The following GOLGA8M variants were observed in gnomAD, a reference collection of about 807,000 sequenced individuals.
GOLGA8M encodes the protein golgin subfamily A member 8M.
GOLGA8M carries 34 observed loss-of-function variants against 87.7 expected under a neutral mutation model. The observed-to-expected ratio is 0.39, with a 90% CI of 0.29 to 0.52. The LOEUF is 0.52. Ranked by LOEUF, GOLGA8M falls within the 20% of genes least tolerant of loss-of-function variation. The pLI, the probability that GOLGA8M is intolerant of heterozygous loss-of-function variation, is 0.80. For missense variants in GOLGA8M, 396 were observed against 682.2 expected, an observed-to-expected ratio of 0.58 and a Z score of 4.67; for synonymous variants, 138 against 250.2, an observed-to-expected ratio of 0.55 and a Z score of 4.23.
rs1323740886 is a variant in GOLGA8M, at chr15:28,705,792, C to T, written c.875-53G>A. 3 of 1,558,860 alleles carry T rather than the reference C, an allele frequency of 1.9e-6. 1 individual carries two copies. Among genetic ancestry groups the T allele is most frequent in the African/African-American group, 3.1e-5 (2 of 65,472 alleles). On this transcript the variant is annotated intron_variant, in intron 11 of 18. Coordinates refer to ENST00000563027, the MANE Select transcript of GOLGA8M (RefSeq NM_001282468.3). ...CTCTGGATTCTCGGAAAAGAAAAAC[C>T]CTCCTCTTGGCGCACAGCTCCTCTC... is the stretch of plus-strand genomic sequence containing the variant.
intron 8 of GOLGA8M, 80 bp from the exon 9 acceptor site, chr15:28,706,779 A>G: frequency 3.6e-6 from 5 of 1,392,240 alleles, no homozygotes; most frequent in Non-Finnish European, 4.9e-6. Flanking sequence ...GGCTCGGGCT[A>G]GGCCCAATAT....
intron 8 of GOLGA8M, 137 bp from the exon 9 acceptor site, chr15:28,706,836 G>T: frequency 1.3e-6 from 1 of 788,304 alleles, no homozygotes; most frequent in Admixed American, 2.8e-5. Flanking sequence ...CCGTGGTCTG[G>T]TTTTTAAAAG....
rs765489283 is a variant in GOLGA8M at position 28,702,195 on chromosome 15, A to G, written c.1723+19T>C. On this transcript the variant is annotated intron_variant, in intron 18 of 18. Transcript: ENST00000563027. Reference sequence around the variant, plus strand: ...CCCCCTCTTCCTGCCTGCCCACACCACCTGAGGGCTGTACTCACCACCATG... The same window carrying G: ...CCCCCTCTTCCTGCCTGCCCACACCGCCTGAGGGCTGTACTCACCACCATG... 3.9e-4 allele frequency: 625 copies of G among 1,588,906 alleles called. 12 individuals are homozygous for G. The South Asian group carries it at 6.2e-3, about 16-fold the overall frequency.
rs537941192 is a variant in GOLGA8M, at chr15:28,708,270, C to A, written c.349-97G>T. On this transcript the variant is annotated intron_variant, in intron 5 of 18. Coordinates refer to ENST00000563027, the MANE Select transcript of GOLGA8M (RefSeq NM_001282468.3). ...AATGCCACCAATGCCCCAGGACAGG[C>A]CCACCCATGGGACCAGGTTATCGGG... 630 of 1,608,928 alleles carry A rather than the reference C, an allele frequency of 3.9e-4. 1 individual carries two copies. The African/African-American group carries it at 6.6e-3, about 17-fold the overall frequency.
chr15:28,711,712 A>C (rs1466751620), intron 1 of GOLGA8M: 68 of 985,102 alleles, frequency 6.9e-5, no homozygotes, highest in Non-Finnish European at 8.1e-5. Flanking sequence ...GTGGGCTGTG[A>C]CATCACAACA....
chr15:28,708,857 C>T (rs1272367174), intron 4 of GOLGA8M, among the ~76,000 whole-genome samples: 5 of 148,548 alleles, frequency 3.4e-5, no homozygotes, highest in African/African-American at 7.5e-5. Context: ...ATCTCAGACT[C>T]GAGAGCTAAC....
rs1429726026 is a variant in GOLGA8M, at chr15:28,701,610, C to A, written c.*344G>T. On this transcript the variant is annotated 3_prime_UTR_variant, in exon 19 of 19. Transcript: ENST00000563027. ...CAATAACATTAAAAAAGCATGGCAG[C>A]CTATTCCAAACCAGCGAGAACAGTT... is the stretch of plus-strand genomic sequence containing the variant. 6.6e-6 allele frequency among the ~76,000 whole-genome samples: 1 copy of A among 151,574 alleles called. No homozygotes were observed. The highest frequency in any genetic ancestry group is 1.9e-4 in the East Asian group (1 of 5,168).
At chr15:28,707,590 A>G (rs374831325) in intron 8 of GOLGA8M, among the ~76,000 whole-genome samples, 158 bp downstream of exon 8, 3 of 145,294 alleles carry the variant, frequency 2.1e-5, no homozygotes, top group African/African-American at 7.8e-5. Flanking sequence ...CAGCTGACTC[A>G]GCCCCAGGCT....
At chr15:28,712,007 G>A (rs2080209543) in intron 1 of GOLGA8M, 16 of 984,812 alleles carry the variant, frequency 1.6e-5, no homozygotes, top group South Asian at 9.4e-5. Context: ...AGCTTGGGGC[G>A]GCAGGAGATG....
At position 28,702,195 on chromosome 15, in the gene GOLGA8M, A is replaced by T. The variant is rs765489283; in HGVS notation, c.1723+19T>A. The T allele has an allele frequency of 3.1e-6, 5 of 1,589,156 alleles. No individual in the cohort carries two copies. The East Asian group carries it at 9.0e-5, about 28-fold the overall frequency. ...CCCCCTCTTCCTGCCTGCCCACACC[A>T]CCTGAGGGCTGTACTCACCACCATG... On this transcript the variant is annotated intron_variant, in intron 18 of 18. Coordinates refer to ENST00000563027, the MANE Select transcript of GOLGA8M (RefSeq NM_001282468.3).
Position 28,702,277 on chromosome 15 carries a change from C to G in GOLGA8M, c.1660G>C (p.Ala554Pro), listed in dbSNP as rs889575074. ...GGGGCTCCTGGACCGGGCTCATCAGCAGAGTTGTGGGCAGCGGCCAGGAAT... is the reference window on the plus strand; with the variant it reads ...GGGGCTCCTGGACCGGGCTCATCAGGAGAGTTGTGGGCAGCGGCCAGGAAT... ...RKFLAAAHNS[A>P]DEPGPGAPAP... The change falls in exon 18 of 19, where the codon GCT becomes CCT. Residue 554 changes from alanine (A) to proline (P), a missense_variant. Ala to Pro is a conservative substitution (Grantham distance 27). Coordinates refer to ENST00000563027, the MANE Select transcript of GOLGA8M (RefSeq NM_001282468.3). The G allele has an allele frequency of 5.8e-6, 9 of 1,558,478 alleles. No homozygotes were observed. The Admixed American group carries it at 5.8e-5, about 10-fold the overall frequency.
Position 28,705,779 on chromosome 15 carries a change from G to A in GOLGA8M, c.875-40C>T, listed in dbSNP as rs751730524. ...AGACAATAAGGGCCTCTGGATTCTC[G>A]GAAAAGAAAAACCCTCCTCTTGGCG... is the stretch of plus-strand genomic sequence containing the variant. On this transcript the variant is annotated intron_variant, in intron 11 of 18. Transcript: ENST00000563027. 25 of 1,555,604 alleles carry A rather than the reference G, an allele frequency of 1.6e-5. 1 individual carries two copies. Among genetic ancestry groups the A allele is most frequent in the Non-Finnish European group, 2.0e-5 (23 of 1,174,994 alleles).
In GOLGA8M at chr15:28,706,686, C is replaced by A. The variant is rs776370584; in HGVS notation, c.605G>T (p.Ser202Ile). 16 of 1,523,496 alleles carry A rather than the reference C, an allele frequency of 1.1e-5. 1 individual carries two copies. In the South Asian group the frequency reaches 1.4e-4, roughly 13 times the overall value. 94.4% of individuals were successfully genotyped at this position (1,523,496 alleles called of 1,614,324 possible). ...KKKANQLSSP[S>I]KAGTEWKLEQ... The stretch of plus-strand genomic sequence containing the variant: ...TAACTTCCACTCCGTACCTGCTTTA[C>A]TGGGGCTGGACAACTGGATGGCAAA... The change falls in exon 9 of 19, where the codon AGT becomes ATT. Residue 202 changes from serine (S) to isoleucine (I), a missense_variant. Ser to Ile is a moderately radical substitution (Grantham distance 142). Transcript: ENST00000563027.
At chr15:28,703,583 G>A in intron 14 of GOLGA8M, 173 bp from the exon 15 acceptor site, 5 of 573,764 alleles carry the variant, frequency 8.7e-6, no homozygotes, top group East Asian at 3.2e-5. Context: ...TTCCGCCCAG[G>A]CACACTCCCA....
At chr15:28,706,766 C>A (rs991573400) in intron 8 of GOLGA8M, 67 bp from the exon 9 acceptor site, 20 of 1,462,056 alleles carry the variant, frequency 1.4e-5, no homozygotes, top group South Asian at 3.6e-5. Context: ...TGCCCCTTAA[C>A]AGGGCTCGGG....
At position 28,701,098 on chromosome 15, in the gene GOLGA8M, C is replaced by T. The variant is rs893169932; in HGVS notation, c.*856G>A. Among the ~76,000 whole-genome samples the T allele has an allele frequency of 1.3e-5, 2 of 152,056 alleles. No homozygotes were observed. Among genetic ancestry groups the T allele is most frequent in the Non-Finnish European group, 2.9e-5 (2 of 68,044 alleles). On this transcript the variant is annotated 3_prime_UTR_variant, in exon 19 of 19. Transcript: ENST00000563027. ...AGCTAGGAAAGGTTTTCCACATCCA[C>T]AGTCAACGATGGGAACCTTTCATTC...
chr15:28,705,774 T>A (rs1238985817), intron 11 of GOLGA8M, 35 bp from the exon 12 acceptor site: 1 of 1,555,622 alleles, frequency 6.4e-7, no homozygotes, highest in Non-Finnish European at 8.5e-7. Flanking sequence ...GGCCTCTGGA[T>A]TCTCGGAAAA....
In GOLGA8M at chr15:28,708,180, G is replaced by T; in HGVS notation, c.349-7C>A. On this transcript the variant is annotated splice_polypyrimidine_tract_variant and splice_region_variant and intron_variant, in intron 5 of 18. Transcript: ENST00000563027. Reference sequence around the variant, plus strand: ...TGTTGTTTGCTTTCTTTTCCTGTAGGAAGAGGAAGACAGAGCTCTTACCAG... The same window carrying T: ...TGTTGTTTGCTTTCTTTTCCTGTAGTAAGAGGAAGACAGAGCTCTTACCAG... 6.3e-7 allele frequency: 1 copy of T among 1,580,204 alleles called. No homozygotes were observed.
At chr15:28,708,061 T>C (rs1253722261) in intron 6 of GOLGA8M, 24 bp from the exon 7 acceptor site, 1 of 1,606,410 alleles carries the variant, frequency 6.2e-7, no homozygotes, top group East Asian at 2.3e-5. Flanking sequence ...GCCAAGCAAG[T>C]GCTGAAAGAG....
Sources: gnomAD v4.1 joint callset for allele counts (sites outside exome capture counted in the v4.1 genomes callset) on GRCh38, gnomAD v4.1.1 for gene constraint, MANE v1.5 for transcripts, NCBI Gene and HGNC (gene_info 2026-07-23, HGNC 2026-07-21) for gene names.